CALN1: variants seen among roughly 807,000 people sequenced by gnomAD.
The protein encoded by CALN1 is calcium-binding protein 8.
A neutral mutation model predicts 30.6 loss-of-function variants in CALN1; 17 were observed. That is an observed-to-expected ratio of 0.56 (90% CI 0.38 to 0.83). The LOEUF is 0.83. CALN1 is among the 40% of genes least tolerant of loss of function. The pLI is 0.00. For synonymous variants in CALN1, 156 were observed against 131.4 expected, an observed-to-expected ratio of 1.19 and a Z score of -1.28; for missense variants, 291 against 354.9, an observed-to-expected ratio of 0.82 and a Z score of 1.45.
At chr7:71,978,877 G>A (rs1250773871) in intron 5 of CALN1, among the ~76,000 whole-genome samples, 4 of 152,208 alleles carry the variant, frequency 2.6e-5, no homozygotes, top group Admixed American at 6.5e-5. Context: ...TTTGTTGGAA[G>A]ACAATTCTCT....
At chr7:72,128,470 A>T (rs1171426582) in intron 3 of CALN1, among the ~76,000 whole-genome samples, 1 of 152,256 alleles carries the variant, frequency 6.6e-6, no homozygotes, top group Non-Finnish European at 1.5e-5. Flanking sequence ...AAACAAACTC[A>T]TAATTCCTAT....
In CALN1 at chr7:71,954,387, G is replaced by T. The variant is rs1184972639; in HGVS notation, c.501+69270C>A. ...AGGCAGGAAAATCATTTGAACCAGG[G>T]AGATGGAGGTTGCAGTGAGCTGAGA... On this transcript the variant is annotated intron_variant, in intron 5 of 6. Transcript: ENST00000395275. Among the ~76,000 whole-genome samples the T allele has an allele frequency of 3.3e-5, 5 of 152,252 alleles. No homozygotes were observed. The East Asian group carries it at 9.7e-4, about 29-fold the overall frequency.
chr7:72,348,429 C>G (rs1396758219), intron 2 of CALN1, among the ~76,000 whole-genome samples: 1 of 152,128 alleles, frequency 6.6e-6, no homozygotes, highest in African/African-American at 2.4e-5. Context: ...GCTTAGGTAG[C>G]TAGATTTTGT....
chr7:71,925,284 C>CAAGCAAGCAAGAA (rs140312583), intron 5 of CALN1, among the ~76,000 whole-genome samples: 1 of 151,118 alleles, frequency 6.6e-6, no homozygotes, highest in Non-Finnish European at 1.5e-5. Flanking sequence ...AGCAAGCAAG[C>CAAGCAAGCAAGAA]AAGAAAAGAA....
At chr7:71,832,492 G>C (rs995688789) in intron 5 of CALN1, among the ~76,000 whole-genome samples, 2 of 152,162 alleles carry the variant, frequency 1.3e-5, no homozygotes, top group African/African-American at 4.8e-5. Flanking sequence ...GTAGATATGG[G>C]CACTTATTCA....
intron 3 of CALN1, among the ~76,000 whole-genome samples, chr7:72,226,216 A>C (rs1211834059): frequency 6.6e-6 from 1 of 152,014 alleles, no homozygotes; most frequent in Non-Finnish European, 1.5e-5. Context: ...TTGCACTCCA[A>C]CCTGGGTGAC....
intron 2 of CALN1, among the ~76,000 whole-genome samples, chr7:72,352,941 C>T (rs1436395070): frequency 6.6e-6 from 1 of 151,822 alleles, no homozygotes; most frequent in East Asian, 1.9e-4. Flanking sequence ...AAAAGAATAA[C>T]AAGGGAATAT....
chr7:72,372,074 C>T (rs1200463614), intron 2 of CALN1, among the ~76,000 whole-genome samples: 1 of 152,178 alleles, frequency 6.6e-6, no homozygotes, highest in Non-Finnish European at 1.5e-5. Flanking sequence ...ACAGGGAAGG[C>T]TCCAGGAGAC....
At chr7:72,336,176 G>A (rs1046209549) in intron 2 of CALN1, among the ~76,000 whole-genome samples, 4 of 152,038 alleles carry the variant, frequency 2.6e-5, no homozygotes, top group African/African-American at 4.8e-5. Context: ...TCAGCGCTAG[G>A]GGCCGGAGGT....
At chr7:71,965,036 T>C (rs80009487) in intron 5 of CALN1, among the ~76,000 whole-genome samples, 214 of 152,222 alleles carry the variant, frequency 1.4e-3, no homozygotes, top group African/African-American at 4.7e-3. Flanking sequence ...TTTTTAACTT[T>C]TTAATTTTGG....
intron 1 of CALN1, among the ~76,000 whole-genome samples, chr7:72,445,378 C>T (rs1046971811): frequency 3.3e-5 from 5 of 152,106 alleles, no homozygotes; most frequent in Non-Finnish European, 7.3e-5. Context: ...TCCGCTTCTA[C>T]CCTCAGCTCC....
intron 1 of CALN1, among the ~76,000 whole-genome samples, chr7:72,431,789 C>T (rs771499191): frequency 8.0e-5 from 12 of 150,658 alleles, no homozygotes; most frequent in Non-Finnish European, 1.5e-4. Context: ...CTGCAGGGAG[C>T]CATAATCATG....
At chr7:72,069,874 A>C (rs1014541363) in intron 4 of CALN1, among the ~76,000 whole-genome samples, 2 of 152,194 alleles carry the variant, frequency 1.3e-5, no homozygotes, top group Non-Finnish European at 2.9e-5. Flanking sequence ...AAAGTGTTAC[A>C]TAAGTGGCAT....
chr7:72,317,662 GT>G (rs1800577368), intron 2 of CALN1, among the ~76,000 whole-genome samples: 1 of 152,194 alleles, frequency 6.6e-6, no homozygotes, highest in Non-Finnish European at 1.5e-5. Flanking sequence ...GGCCTAGGAA[GT>G]CCCCCCCAGA....
chr7:71,940,743 C>G (rs1034125168), intron 5 of CALN1, among the ~76,000 whole-genome samples: 1 of 152,078 alleles, frequency 6.6e-6, no homozygotes, highest in Admixed American at 6.6e-5. Context: ...TCCCGAGTAG[C>G]TGAAACCACA....
At chr7:72,290,465 G>A (rs993762041) in intron 2 of CALN1, among the ~76,000 whole-genome samples, 2 of 152,266 alleles carry the variant, frequency 1.3e-5, no homozygotes, top group East Asian at 3.9e-4. Context: ...CTCAGTGGTA[G>A]CAACTCTCCT....
At chr7:71,842,849 T>C (rs536671735) in intron 5 of CALN1, among the ~76,000 whole-genome samples, 1 of 152,338 alleles carries the variant, frequency 6.6e-6, no homozygotes, top group Non-Finnish European at 1.5e-5. Flanking sequence ...CTCCTGTAAC[T>C]ATATTTAGAC....
At chr7:71,954,802 G>A (rs1336261046) in intron 5 of CALN1, among the ~76,000 whole-genome samples, 1 of 152,220 alleles carries the variant, frequency 6.6e-6, no homozygotes, top group Non-Finnish European at 1.5e-5. Context: ...TGGGAGAAGA[G>A]AACTGGCAGC....
At chr7:72,302,359 A>G (rs186072066) in intron 2 of CALN1, among the ~76,000 whole-genome samples, 239 of 152,350 alleles carry the variant, frequency 1.6e-3, no homozygotes, top group Non-Finnish European at 2.8e-3. Flanking sequence ...GTTTTAATGA[A>G]TGGCGATCAT....
Sources: gnomAD v4.1 joint callset for allele counts (sites outside exome capture counted in the v4.1 genomes callset) on GRCh38, gnomAD v4.1.1 for gene constraint, MANE v1.5 for transcripts, NCBI Gene and HGNC (gene_info 2026-07-23, HGNC 2026-07-21) for gene names.